KCNH7: variants seen among roughly 807,000 people sequenced by gnomAD.
The protein encoded by KCNH7 is potassium voltage-gated channel subfamily H member 7.
Under a neutral mutation model 120.8 loss-of-function variants are expected in KCNH7, and 49 were observed. That is an observed-to-expected ratio of 0.41 (90% CI 0.32 to 0.51). KCNH7 has a LOEUF of 0.51. KCNH7 is among the 20% of genes least tolerant of loss of function. KCNH7 has a pLI of 0.38. For missense variants in KCNH7, 1,097 were observed against 1,446.6 expected, an observed-to-expected ratio of 0.76 and a Z score of 3.92; for synonymous variants, 547 against 516.1, an observed-to-expected ratio of 1.06 and a Z score of -0.81.
At chr2:162,712,183 T>C (rs1466103391) in intron 2 of KCNH7, among the ~76,000 whole-genome samples, 1 of 152,160 alleles carries the variant, frequency 6.6e-6, no homozygotes, top group East Asian at 1.9e-4. Context: ...ATCTTTAGAA[T>C]TGAAAAACAA....
rs929786177 is a variant in KCNH7, at chr2:162,636,734, A to G, written c.308-99654T>C. 6.4e-4 allele frequency among the ~76,000 whole-genome samples: 97 copies of G among 152,138 alleles called. 5 individuals carry two copies. The highest frequency in any genetic ancestry group is 5.9e-5 in the Non-Finnish European group (4 of 68,004). ...TTCATTAACATGGATGGAAGCAAAT[A>G]ACATCACAGGATTAACCTATAAATC... On this transcript the variant is annotated intron_variant, in intron 2 of 15. Transcript: ENST00000332142.
At chr2:162,624,889 GTTTTTTTT>G (rs66562676) in intron 2 of KCNH7, among the ~76,000 whole-genome samples, 6 of 69,740 alleles carry the variant, frequency 8.6e-5, no homozygotes, top group African/African-American at 3.9e-4. Context: ...TGCACTCTTG[GTTTTTTTT>G]TTTTTTTTTT....
intron 6 of KCNH7, among the ~76,000 whole-genome samples, chr2:162,469,965 TC>T (rs1195962752): frequency 6.6e-6 from 1 of 152,226 alleles, no homozygotes; most frequent in Non-Finnish European, 1.5e-5. Context: ...AGCCTCGGCC[TC>T]CCGAGGTGCC....
At chr2:162,436,341 T>G (rs1688238214) in intron 7 of KCNH7, among the ~76,000 whole-genome samples, 1 of 152,142 alleles carries the variant, frequency 6.6e-6, no homozygotes, top group African/African-American at 2.4e-5. Context: ...TTAAATGCAT[T>G]TTTTATTCCT....
intron 2 of KCNH7, among the ~76,000 whole-genome samples, chr2:162,835,240 A>C (rs552261140): frequency 1.3e-3 from 193 of 152,114 alleles, no homozygotes; most frequent in Middle Eastern, 3.2e-3. Flanking sequence ...AAAGTTATAC[A>C]AACCTGTTTT....
intron 13 of KCNH7, 83 bp downstream of exon 13, chr2:162,384,605 C>T: frequency 1.6e-6 from 2 of 1,262,304 alleles, no homozygotes; most frequent in Non-Finnish European, 2.3e-6. Context: ...TAACATGTGT[C>T]AGTACAGTTC....
chr2:162,715,977 T>TGTGTGC (rs374889170), intron 2 of KCNH7, among the ~76,000 whole-genome samples: 26 of 151,372 alleles, frequency 1.7e-4, no homozygotes, highest in African/African-American at 6.1e-4. Context: ...TGTGTGTGTG[T>TGTGTGC]GCACACCACA....
chr2:162,586,142 G>A (rs973075317), intron 2 of KCNH7, among the ~76,000 whole-genome samples: 5 of 151,888 alleles, frequency 3.3e-5, no homozygotes, highest in Non-Finnish European at 5.9e-5. Context: ...CACATTATAG[G>A]CCCATTTTCA....
intron 6 of KCNH7, among the ~76,000 whole-genome samples, chr2:162,470,052 C>T (rs1051998280): frequency 5.3e-5 from 8 of 152,176 alleles, no homozygotes; most frequent in African/African-American, 9.7e-5. Context: ...GATCTCGGCT[C>T]GCTACAACCT....
chr2:162,700,470 G>A lies in KCNH7; in HGVS notation c.307+136067C>T, dbSNP rs759949102. 2.0e-5 allele frequency among the ~76,000 whole-genome samples: 3 copies of A among 152,182 alleles called. 1 individual carries two copies. Among genetic ancestry groups the A allele is most frequent in the South Asian group, 4.1e-4 (2 of 4,820 alleles). ...CCCTGTAAAGATCATGATTTGAAATGTATCTTTTTGGTACGTATGGGAAAG... is the reference window on the plus strand; with the variant it reads ...CCCTGTAAAGATCATGATTTGAAATATATCTTTTTGGTACGTATGGGAAAG... On this transcript the variant is annotated intron_variant, in intron 2 of 15. Coordinates refer to ENST00000332142, the MANE Select transcript of KCNH7 (RefSeq NM_033272.4).
At chr2:162,611,174 G>T (rs1682950764) in intron 2 of KCNH7, among the ~76,000 whole-genome samples, 1 of 152,198 alleles carries the variant, frequency 6.6e-6, no homozygotes, top group African/African-American at 2.4e-5. Context: ...GGGGCCTGCT[G>T]GGTGGCATTG....
chr2:162,412,945 A>G (rs1392983248), intron 9 of KCNH7, among the ~76,000 whole-genome samples: 1 of 152,082 alleles, frequency 6.6e-6, no homozygotes, highest in East Asian at 1.9e-4. Flanking sequence ...TAACAATCTG[A>G]TCTTTGGTTT....
chr2:162,467,365 G>T (rs1689344070), intron 6 of KCNH7, among the ~76,000 whole-genome samples: 1 of 152,166 alleles, frequency 6.6e-6, no homozygotes, highest in Admixed American at 6.5e-5. Context: ...GAGGTGTTTG[G>T]GTCATGGAGT....
chr2:162,508,023 A>G (rs74378798), intron 5 of KCNH7, among the ~76,000 whole-genome samples: 1 of 151,612 alleles, frequency 6.6e-6, no homozygotes, highest in Non-Finnish European at 1.5e-5. Flanking sequence ...GAACACTAAC[A>G]TATTGAAATA....
At chr2:162,744,918 G>A (rs1688265007) in intron 2 of KCNH7, among the ~76,000 whole-genome samples, 1 of 152,156 alleles carries the variant, frequency 6.6e-6, no homozygotes, top group African/African-American at 2.4e-5. Context: ...CCAGAAACAA[G>A]ATTGGTGTGT....
intron 12 of KCNH7, among the ~76,000 whole-genome samples, chr2:162,389,436 A>G (rs1487638056): frequency 6.6e-6 from 1 of 151,992 alleles, no homozygotes; most frequent in Non-Finnish European, 1.5e-5. Context: ...TGCCGACTTT[A>G]TTCTTGAACA....
chr2:162,566,196 T>C (rs532075915), intron 2 of KCNH7, among the ~76,000 whole-genome samples: 9 of 152,136 alleles, frequency 5.9e-5, no homozygotes, highest in Admixed American at 4.6e-4. Context: ...TGTTGTTTAT[T>C]ATTCTGTGCT....
At chr2:162,701,511 G>C (rs946516750) in intron 2 of KCNH7, among the ~76,000 whole-genome samples, 5 of 151,928 alleles carry the variant, frequency 3.3e-5, no homozygotes, top group Non-Finnish European at 5.9e-5. Flanking sequence ...TCAGTTCCAA[G>C]TGTACAAAAA....
At chr2:162,705,458 C>A (rs1686664081) in intron 2 of KCNH7, among the ~76,000 whole-genome samples, 1 of 152,012 alleles carries the variant, frequency 6.6e-6, no homozygotes, top group East Asian at 1.9e-4. Flanking sequence ...TAACATTTGT[C>A]TTTTCAAGGC....
Sources: gnomAD v4.1 joint callset for allele counts (sites outside exome capture counted in the v4.1 genomes callset) on GRCh38, gnomAD v4.1.1 for gene constraint, MANE v1.5 for transcripts, NCBI Gene and HGNC (gene_info 2026-07-23, HGNC 2026-07-21) for gene names.